SLC24A2: variants seen among roughly 807,000 people sequenced by gnomAD.
SLC24A2 encodes sodium/potassium/calcium exchanger 2.
SLC24A2 carries 36 observed loss-of-function variants against 62.0 expected under a neutral mutation model. That is an observed-to-expected ratio of 0.58 (90% confidence interval 0.44 to 0.77). The LOEUF (loss-of-function observed/expected upper bound fraction) is 0.77. SLC24A2 is among the 30% of genes least tolerant of loss of function. The pLI, the probability that SLC24A2 is intolerant of heterozygous loss-of-function variation, is 0.00. For synonymous variants in SLC24A2, 358 were observed against 294.0 expected (o/e 1.22, Z -2.23); for missense variants, 846 against 817.9 (o/e 1.03, Z -0.42).
chr9:19,803,957 C>T, the SLC24A2 span, among the ~76,000 whole-genome samples: 9 of 151,968 alleles, frequency 5.9e-5, no homozygotes, highest in African/African-American at 2.2e-4. Context: ...GAAAAAATGG[C>T]CTTTAGTGAG....
the SLC24A2 span, among the ~76,000 whole-genome samples, chr9:20,020,490 A>G: frequency 6.6e-6 from 1 of 152,160 alleles, no homozygotes; most frequent in African/African-American, 2.4e-5. Flanking sequence ...CAAACACTGC[A>G]TGTTCTTACT....
Position 19,516,161 on chromosome 9 carries a change from A to C in SLC24A2, c.1978T>G (p.Ser660Ala). The C allele has an allele frequency of 6.2e-7, 1 of 1,614,152 alleles. No homozygotes were observed. The highest frequency in any genetic ancestry group is 8.5e-7 in the Non-Finnish European group (1 of 1,180,018). Reference sequence around the variant, plus strand: ...AGATATGGCTTTTCCTGCTAGATGGAGACGGGGCATGTAAGAATTCTGTCT... The same window carrying C: ...AGATATGGCTTTTCCTGCTAGATGGCGACGGGGCATGTAAGAATTCTGTCT... ...LEDRILTCPV[S>A]I The change falls in exon 11 of 11, where the codon TCC becomes GCC. Residue 660 changes from serine (S) to alanine (A), a missense_variant. Ser to Ala is a moderately conservative substitution (Grantham distance 99). Transcript: ENST00000341998.
At chr9:20,125,950 G>A in the SLC24A2 span, among the ~76,000 whole-genome samples, 2 of 152,194 alleles carry the variant, frequency 1.3e-5, no homozygotes, top group African/African-American at 4.8e-5. Context: ...CAGAGGATCT[G>A]GGAGGGGAGG....
the SLC24A2 span, among the ~76,000 whole-genome samples, chr9:20,271,086 G>A: frequency 4.6e-5 from 7 of 152,042 alleles, no homozygotes; most frequent in East Asian, 1.9e-4. Context: ...TCTTACTCTC[G>A]CTTTAAGGTT....
At chr9:19,988,720 G>A in the SLC24A2 span, among the ~76,000 whole-genome samples, 1 of 152,146 alleles carries the variant, frequency 6.6e-6, no homozygotes, top group Non-Finnish European at 1.5e-5. Context: ...TTTTGTGGAA[G>A]TACCAATGCA....
At chr9:19,972,067 G>C in the SLC24A2 span, among the ~76,000 whole-genome samples, 2 of 152,116 alleles carry the variant, frequency 1.3e-5, no homozygotes, top group Non-Finnish European at 2.9e-5. Context: ...CAAACAAGTT[G>C]AGTAAGGACG....
chr9:19,855,287 A>T, the SLC24A2 span, among the ~76,000 whole-genome samples: 1 of 152,128 alleles, frequency 6.6e-6, no homozygotes, highest in East Asian at 1.9e-4. Flanking sequence ...TAGCCCACTT[A>T]TATTTAAGGT....
chr9:19,922,706 A>T, the SLC24A2 span, among the ~76,000 whole-genome samples: 1 of 151,888 alleles, frequency 6.6e-6, no homozygotes, highest in Non-Finnish European at 1.5e-5. Context: ...GGCCACCTAG[A>T]CTCCAAATAT....
the SLC24A2 span, among the ~76,000 whole-genome samples, chr9:20,300,719 C>T: frequency 6.6e-6 from 1 of 152,116 alleles, no homozygotes; most frequent in Non-Finnish European, 1.5e-5. Context: ...ATGCCCCAGC[C>T]AGCTAAAGTC....
chr9:19,885,490 T>C, the SLC24A2 span, among the ~76,000 whole-genome samples: 1 of 152,176 alleles, frequency 6.6e-6, no homozygotes, highest in Admixed American at 6.5e-5. Flanking sequence ...CTATGAAAGT[T>C]CGTTCTTATC....
the SLC24A2 span, among the ~76,000 whole-genome samples, chr9:20,169,884 C>G: frequency 2.0e-5 from 3 of 151,856 alleles, no homozygotes; most frequent in African/African-American, 7.2e-5. Context: ...TTAGGTAAAA[C>G]AAGGAGGCAC....
intron 2 of SLC24A2, among the ~76,000 whole-genome samples, chr9:19,735,264 C>G (rs1346843448): frequency 1.3e-5 from 2 of 152,178 alleles, no homozygotes; most frequent in African/African-American, 4.8e-5. Flanking sequence ...AGACACTCAT[C>G]ATCACTGGCC....
At chr9:19,850,976 TATATATATGTATATATATATATATACAC>T in the SLC24A2 span, among the ~76,000 whole-genome samples, 805 of 47,084 alleles carry the variant, frequency 0.017, 44 homozygotes, top group Non-Finnish European at 0.027. Context: ...TGTATATATA[TATATATATGTATATATATATATATACAC>T]ATACATATAT....
At chr9:20,291,080 T>C in the SLC24A2 span, among the ~76,000 whole-genome samples, 29 of 152,080 alleles carry the variant, frequency 1.9e-4, no homozygotes, top group African/African-American at 7.0e-4. Flanking sequence ...ACCACACATA[T>C]CAACAATGAA....
the SLC24A2 span, among the ~76,000 whole-genome samples, chr9:19,875,958 CA>C: frequency 6.6e-6 from 1 of 152,116 alleles, no homozygotes; most frequent in African/African-American, 2.4e-5. Flanking sequence ...TCCAATACTT[CA>C]AAACAAAGTT....
At chr9:19,788,669 C>A in intron 1 of SLC24A2, 1 of 985,256 alleles carries the variant, frequency 1.0e-6, no homozygotes, top group Non-Finnish European at 1.2e-6. Flanking sequence ...GCCCCCCATC[C>A]CAAGCCAAAA....
intron 2 of SLC24A2, among the ~76,000 whole-genome samples, chr9:19,690,376 G>A (rs1215645536): frequency 6.6e-6 from 1 of 152,074 alleles, no homozygotes; most frequent in African/African-American, 2.4e-5. Flanking sequence ...CTGGGCTGTA[G>A]GGCTTGCAGG....
the SLC24A2 span, among the ~76,000 whole-genome samples, chr9:20,285,718 C>G: frequency 6.6e-6 from 1 of 152,182 alleles, no homozygotes; most frequent in Non-Finnish European, 1.5e-5. Flanking sequence ...ACAAAATTAA[C>G]TATCACAAGA....
intron 2 of SLC24A2, among the ~76,000 whole-genome samples, chr9:19,631,231 A>G (rs531620677): frequency 1.3e-5 from 2 of 152,198 alleles, no homozygotes; most frequent in Non-Finnish European, 2.9e-5. Context: ...TAATGAGCCC[A>G]TATGCTCATC....
Sources: gnomAD v4.1 joint callset for allele counts (sites outside exome capture counted in the v4.1 genomes callset) on GRCh38, gnomAD v4.1.1 for gene constraint, MANE v1.5 for transcripts, NCBI Gene and HGNC (gene_info 2026-07-23, HGNC 2026-07-21) for gene names.